CAST: variants seen among roughly 807,000 people sequenced by gnomAD.
The protein encoded by CAST is MIR583 host.
Under a neutral mutation model 119.6 loss-of-function variants are expected in CAST, and 76 were observed. The ratio of observed to expected loss-of-function variants is 0.64; its 90% CI spans 0.53 to 0.77. The LOEUF is 0.77. Among genes scored for constraint, CAST ranks in the 30% least tolerant of loss-of-function variants. The pLI is 0.00. For synonymous variants in CAST, 319 were observed against 331.6 expected (o/e 0.96, Z 0.41); for missense variants, 953 against 946.5 (o/e 1.01, Z -0.09).
the CAST span, among the ~76,000 whole-genome samples, chr5:96,404,377 C>A: frequency 6.6e-6 from 1 of 152,200 alleles, no homozygotes; most frequent in Non-Finnish European, 1.5e-5. Flanking sequence ...GACCTGGGAA[C>A]CTGCATGTTA....
chr5:96,392,130 C>T, the CAST span: 34 of 151,306 alleles, frequency 2.2e-4, no homozygotes, highest in African/African-American at 8.0e-4. Flanking sequence ...CCTGTTACTG[C>T]TGAAAAAAAT....
the CAST span, among the ~76,000 whole-genome samples, chr5:96,172,418 A>G: frequency 7.4e-4 from 112 of 152,354 alleles, no homozygotes; most frequent in African/African-American, 2.6e-3. Flanking sequence ...CAGAAGCCTG[A>G]CAGTCCAGAC....
At chr5:96,606,071 T>C (rs542993130) in intron 1 of CAST, among the ~76,000 whole-genome samples, 2 of 152,152 alleles carry the variant, frequency 1.3e-5, no homozygotes, top group African/African-American at 2.4e-5. Flanking sequence ...TGTGGGGTAA[T>C]AGAATTTTCT....
At chr5:96,552,034 C>T (rs1306002970) in intron 1 of CAST, among the ~76,000 whole-genome samples, 3 of 152,096 alleles carry the variant, frequency 2.0e-5, no homozygotes, top group Admixed American at 2.0e-4. Context: ...ACAGGGATAT[C>T]CACGACTTGA....
chr5:96,743,721 A>T, intron 16 of CAST: 1 of 1,608,370 alleles, frequency 6.2e-7, no homozygotes, highest in Non-Finnish European at 8.5e-7. Context: ...GGAGCAAGAG[A>T]AGCAGTTCGT....
At chr5:96,529,512 C>T (rs186253194), upstream of CAST, among the ~76,000 whole-genome samples, 2 of 152,082 alleles carry the variant, frequency 1.3e-5, no homozygotes, top group Admixed American at 1.3e-4. Flanking sequence ...TGAGTTGTTA[C>T]AGTATTTTTG....
chr5:96,731,586 T>C (rs1760521878), intron 9 of CAST, among the ~76,000 whole-genome samples: 2 of 150,884 alleles, frequency 1.3e-5, no homozygotes, highest in Non-Finnish European at 2.9e-5. Context: ...TGTGCCATGC[T>C]GGTGCGCTGC....
At chr5:96,692,757 A>T (rs1369158316) in intron 2 of CAST, among the ~76,000 whole-genome samples, 1 of 152,196 alleles carries the variant, frequency 6.6e-6, no homozygotes, top group African/African-American at 2.4e-5. Context: ...CAGTCTGTTC[A>T]GGACTCACCA....
the CAST span, among the ~76,000 whole-genome samples, chr5:96,021,498 T>C: frequency 6.6e-6 from 1 of 152,030 alleles, no homozygotes; most frequent in Admixed American, 6.6e-5. Flanking sequence ...CAGGCTGGAG[T>C]GCAGTGGCGC....
the CAST span, among the ~76,000 whole-genome samples, chr5:96,177,865 C>T: frequency 6.6e-6 from 1 of 152,166 alleles, no homozygotes; most frequent in Non-Finnish European, 1.5e-5. Context: ...GCTAGTGATT[C>T]CCCTGTTGAT....
At chr5:96,610,516 C>A (rs1747341588) in intron 1 of CAST, among the ~76,000 whole-genome samples, 1 of 152,102 alleles carries the variant, frequency 6.6e-6, no homozygotes, top group Non-Finnish European at 1.5e-5. Context: ...AAGGAACATA[C>A]CTCAAAATAA....
the CAST span, among the ~76,000 whole-genome samples, chr5:96,281,908 C>T: frequency 1.3e-5 from 2 of 152,196 alleles, no homozygotes; most frequent in Non-Finnish European, 2.9e-5. Flanking sequence ...GAACAATTAA[C>T]ATCTTCTGCT....
chr5:96,579,043 G>C (rs2150188783), intron 1 of CAST, among the ~76,000 whole-genome samples: 1 of 152,316 alleles, frequency 6.6e-6, no homozygotes, highest in East Asian at 1.9e-4. Context: ...GGCTGCTTCT[G>C]TCTCTCCATG....
chr5:96,591,577 G>A (rs557991742), intron 1 of CAST, among the ~76,000 whole-genome samples: 1 of 152,182 alleles, frequency 6.6e-6, no homozygotes, highest in African/African-American at 2.4e-5. Context: ...AAGGCGAATA[G>A]GTCTGGCCTC....
rs933726673 is a variant in CAST at position 96,773,714 on chromosome 5, G to A, written c.*1098G>A. 5 of 152,206 alleles carry A rather than the reference G, an allele frequency of 3.3e-5. No individual in the cohort carries two copies. Among genetic ancestry groups the A allele is most frequent in the African/African-American group, 1.2e-4 (5 of 41,428 alleles). 9.4% of individuals were successfully genotyped at this position (152,206 alleles called of 1,614,324 possible). On this transcript the variant is annotated 3_prime_UTR_variant, in exon 32 of 32. Coordinates refer to ENST00000675179, the MANE Select transcript of CAST (RefSeq NM_001750.7). The stretch of plus-strand genomic sequence containing the variant: ...TCTAATATCTTAATGAATAGTTCCT[G>A]AACATTGCACTGATATCATCGATTA...
chr5:96,701,022 G>A (rs545017230), intron 3 of CAST, among the ~76,000 whole-genome samples: 1 of 152,156 alleles, frequency 6.6e-6, no homozygotes, highest in Admixed American at 6.5e-5. Flanking sequence ...CACCTTCCAG[G>A]TTCAAGCGAT....
chr5:96,318,035 T>G, the CAST span, among the ~76,000 whole-genome samples: 1 of 152,182 alleles, frequency 6.6e-6, no homozygotes, highest in African/African-American at 2.4e-5. Flanking sequence ...GGTCAGTTGT[T>G]GTAACAATAG....
chr5:95,998,896 A>G, the CAST span, among the ~76,000 whole-genome samples: 2 of 152,082 alleles, frequency 1.3e-5, no homozygotes, highest in Middle Eastern at 3.4e-3. Context: ...CTTTTTCCCC[A>G]TGTTCTCATT....
the CAST span, among the ~76,000 whole-genome samples, chr5:96,427,149 A>G: frequency 6.6e-6 from 1 of 152,202 alleles, no homozygotes; most frequent in Admixed American, 6.5e-5. Flanking sequence ...TGCATTTCAC[A>G]GGGCTGATTT....
Sources: allele counts gnomAD v4.1 joint callset (sites outside exome capture counted in the v4.1 genomes callset), GRCh38; gene constraint gnomAD v4.1.1; transcripts MANE v1.5; gene names NCBI Gene and HGNC (gene_info 2026-07-23, HGNC 2026-07-21).